Variants in AUTS2 observed in about 807,000 individuals in gnomAD.
AUTS2 encodes activator of transcription and developmental regulator AUTS2.
AUTS2 carries 17 observed loss-of-function variants against 112.4 expected under a neutral mutation model. The observed-to-expected ratio is 0.15, with a 90% confidence interval of 0.10 to 0.23. The LOEUF is 0.23. Ranked by LOEUF, AUTS2 falls within the 10% of genes least tolerant of loss-of-function variation. AUTS2 has a pLI of 1.00. For missense variants in AUTS2, 1,510 were observed against 1,701.6 expected, an observed-to-expected ratio of 0.89 and a Z score of 1.98; for synonymous variants, 751 against 702.7, an observed-to-expected ratio of 1.07 and a Z score of -1.09.
At chr7:69,926,808 AAAGATATAT>A (rs1438144009) in intron 2 of AUTS2, among the ~76,000 whole-genome samples, 5 of 146,926 alleles carry the variant, frequency 3.4e-5, no homozygotes, top group East Asian at 3.9e-4. Flanking sequence ...AAATATATAT[AAAGATATAT>A]AAGATATATA....
At chr7:69,779,406 T>C (rs1789046000) in intron 1 of AUTS2, among the ~76,000 whole-genome samples, 1 of 152,150 alleles carries the variant, frequency 6.6e-6, no homozygotes, top group South Asian at 2.1e-4. Flanking sequence ...TGCTGCCACC[T>C]TGGGTTTTCC....
intron 5 of AUTS2, among the ~76,000 whole-genome samples, chr7:70,524,874 C>A (rs1294253010): frequency 6.6e-6 from 1 of 152,196 alleles, no homozygotes; most frequent in Non-Finnish European, 1.5e-5. Context: ...AGTGCAGACG[C>A]CTCGATGAGA....
chr7:70,071,273 T>G lies in AUTS2; in HGVS notation c.523-46859T>G, dbSNP rs371592218. 7.9e-5 allele frequency among the ~76,000 whole-genome samples: 12 copies of G among 152,308 alleles called. No homozygotes were observed. The South Asian group carries it at 8.3e-4, about 11-fold the overall frequency. Reference sequence around the variant, plus strand: ...TCCTCTTCCTCAGTAGCTGCTTCTCTGTAGGGCTGGAGGGAAAGAGAGTCT... The same window carrying G: ...TCCTCTTCCTCAGTAGCTGCTTCTCGGTAGGGCTGGAGGGAAAGAGAGTCT... On this transcript the variant is annotated intron_variant, in intron 2 of 18. Coordinates refer to ENST00000342771, the MANE Select transcript of AUTS2 (RefSeq NM_015570.4).
At chr7:70,770,344 G>A (rs1180625600) in intron 10 of AUTS2, among the ~76,000 whole-genome samples, 1 of 152,176 alleles carries the variant, frequency 6.6e-6, no homozygotes, top group East Asian at 1.9e-4. Flanking sequence ...GAAAAAGGAC[G>A]TGCTCTGAAC....
intron 1 of AUTS2, among the ~76,000 whole-genome samples, chr7:69,787,941 A>C (rs1243231151): frequency 6.6e-6 from 1 of 152,098 alleles, no homozygotes; most frequent in Admixed American, 6.5e-5. Flanking sequence ...TGGAACTTTT[A>C]TTAAGGACAG....
intron 1 of AUTS2, among the ~76,000 whole-genome samples, chr7:69,867,196 G>A (rs1018836184): frequency 3.3e-5 from 5 of 152,166 alleles, no homozygotes; most frequent in Non-Finnish European, 5.9e-5. Flanking sequence ...CTATTAAAGG[G>A]GAATTCTGAC....
intron 3 of AUTS2, among the ~76,000 whole-genome samples, chr7:70,125,893 G>T (rs976202219): frequency 2.0e-5 from 3 of 152,030 alleles, no homozygotes; most frequent in East Asian, 3.9e-4. Context: ...GTCCCTATTA[G>T]TCCATCATGC....
chr7:70,720,960 A>G (rs768463325), intron 6 of AUTS2, among the ~76,000 whole-genome samples: 7 of 152,282 alleles, frequency 4.6e-5, no homozygotes, highest in East Asian at 1.9e-4. Context: ...TTCAGGTAAC[A>G]TACAAACACA....
rs113490699 is a variant in AUTS2, at chr7:70,115,397, A to G, written c.523-2735A>G. On this transcript the variant is annotated intron_variant, in intron 2 of 18. Coordinates refer to ENST00000342771, the MANE Select transcript of AUTS2 (RefSeq NM_015570.4). ...GTTATGTTTTCTGGGCTGGTCTCGA[A>G]CTCCTGGGCTCAGGTGATCCCCCCG... Among the ~76,000 whole-genome samples the G allele has an allele frequency of 1.6e-3, 244 of 152,214 alleles. 6 individuals are homozygous for G. The highest frequency in any genetic ancestry group is 5.5e-3 in the African/African-American group (230 of 41,524).
intron 2 of AUTS2, among the ~76,000 whole-genome samples, chr7:69,953,242 C>T (rs1284461854): frequency 6.6e-6 from 1 of 152,152 alleles, no homozygotes; most frequent in Non-Finnish European, 1.5e-5. Context: ...ACGCCTGATG[C>T]CCCTTTCAAG....
chr7:69,929,337 CTAGT>C (rs1371847084), intron 2 of AUTS2, among the ~76,000 whole-genome samples: 1 of 151,794 alleles, frequency 6.6e-6, no homozygotes, highest in African/African-American at 2.4e-5. Flanking sequence ...GTGCCTTACC[CTAGT>C]TTCCTTCATG....
chr7:69,631,248 G>T (rs1412135373), intron 1 of AUTS2, among the ~76,000 whole-genome samples: 2 of 152,028 alleles, frequency 1.3e-5, no homozygotes, highest in African/African-American at 2.4e-5. Context: ...TAAGAACCAA[G>T]GTCTTGTGCT....
At chr7:69,692,018 C>T (rs948129613) in intron 1 of AUTS2, among the ~76,000 whole-genome samples, 1 of 152,190 alleles carries the variant, frequency 6.6e-6, no homozygotes, top group Admixed American at 6.5e-5. Context: ...TGCCATCCAG[C>T]TGAGCACCTT....
intron 5 of AUTS2, among the ~76,000 whole-genome samples, chr7:70,650,353 C>A (rs149242031): frequency 2.0e-5 from 3 of 152,194 alleles, no homozygotes; most frequent in Non-Finnish European, 4.4e-5. Context: ...CACAGCATGG[C>A]GCCATGCAGT....
chr7:70,312,658 G>A (rs954426356), intron 4 of AUTS2, among the ~76,000 whole-genome samples: 5 of 152,148 alleles, frequency 3.3e-5, no homozygotes. Context: ...ATAGGAAAGG[G>A]TGGCCCCACA....
chr7:70,298,289 C>G (rs531651487), intron 4 of AUTS2, among the ~76,000 whole-genome samples: 1 of 152,150 alleles, frequency 6.6e-6, no homozygotes, highest in African/African-American at 2.4e-5. Context: ...ACCTCAGCCC[C>G]GCAAAGTGCT....
intron 4 of AUTS2, among the ~76,000 whole-genome samples, chr7:70,337,493 G>A (rs761063076): frequency 7.2e-5 from 11 of 152,140 alleles, no homozygotes; most frequent in African/African-American, 1.7e-4. Context: ...TTTATGTAGC[G>A]TGCACTGTTC....
At chr7:69,608,297 C>T (rs544285766) in intron 1 of AUTS2, among the ~76,000 whole-genome samples, 4 of 152,122 alleles carry the variant, frequency 2.6e-5, no homozygotes, top group Admixed American at 6.5e-5. Flanking sequence ...TAGTCATTGC[C>T]AGGGACAAGT....
intron 3 of AUTS2, among the ~76,000 whole-genome samples, chr7:70,126,089 A>G (rs1177462211): frequency 2.0e-5 from 3 of 152,182 alleles, no homozygotes; most frequent in African/African-American, 7.2e-5. Context: ...ATTCCAGTGT[A>G]GCTGTATAAT....
Sources: allele counts gnomAD v4.1 joint callset (sites outside exome capture counted in the v4.1 genomes callset), GRCh38; gene constraint gnomAD v4.1.1; transcripts MANE v1.5; gene names NCBI Gene and HGNC (gene_info 2026-07-23, HGNC 2026-07-21).